SUFU: variants seen among roughly 807,000 people sequenced by gnomAD.
SUFU encodes SUFU negative regulator of hedgehog signaling.
Under a neutral mutation model 58.9 loss-of-function variants are expected in SUFU, and 7 were observed. That is an observed-to-expected ratio of 0.12 (90% CI 0.07 to 0.22). The LOEUF is 0.22. Ranked by LOEUF, SUFU falls within the 10% of genes least tolerant of loss-of-function variation. The probability of loss-of-function intolerance (pLI) is 1.00; values close to 1 mark genes in which losing one functional copy is unlikely to be tolerated. For synonymous variants in SUFU, 232 were observed against 254.8 expected (o/e 0.91, Z 0.85); for missense variants, 451 against 641.3 (o/e 0.70, Z 3.20).
chr10:102,546,889 G>A (rs1245804895), intron 2 of SUFU, among the ~76,000 whole-genome samples: 1 of 152,268 alleles, frequency 6.6e-6, no homozygotes, highest in Non-Finnish European at 1.5e-5. Context: ...AACTGGCCCA[G>A]AAAGCACCCT....
intron 10 of SUFU, among the ~76,000 whole-genome samples, chr10:102,623,850 G>A (rs543835669): frequency 6.6e-6 from 1 of 152,320 alleles, no homozygotes; most frequent in East Asian, 1.9e-4. Context: ...TGAGGCAGGA[G>A]AATCGCTTGA....
intron 3 of SUFU, among the ~76,000 whole-genome samples, chr10:102,575,313 C>A (rs1392273198): frequency 6.6e-6 from 1 of 152,150 alleles, no homozygotes; most frequent in Non-Finnish European, 1.5e-5. Context: ...TTTTCTGCTG[C>A]TTATAACAGA....
intron 3 of SUFU, among the ~76,000 whole-genome samples, chr10:102,563,937 G>C (rs1040824117): frequency 2.6e-5 from 4 of 152,142 alleles, no homozygotes; most frequent in Admixed American, 2.0e-4. Context: ...TCCAGTCCCT[G>C]GGGTCTTGAA....
At chr10:102,503,831 A>T (rs894184622), upstream of SUFU, among the ~76,000 whole-genome samples, 1 of 152,134 alleles carries the variant, frequency 6.6e-6, no homozygotes, top group Non-Finnish European at 1.5e-5. Flanking sequence ...CTCCCAACAC[A>T]GGGAGGGGAG....
chr10:102,512,101 G>A (rs1407408476), intron 2 of SUFU, among the ~76,000 whole-genome samples: 1 of 152,186 alleles, frequency 6.6e-6, no homozygotes, highest in Non-Finnish European at 1.5e-5. Context: ...TAAGCTCAGA[G>A]GCCCAGGTTT....
intron 8 of SUFU, among the ~76,000 whole-genome samples, chr10:102,600,639 G>A (rs1292940102): frequency 2.6e-5 from 4 of 152,166 alleles, no homozygotes; most frequent in Admixed American, 6.5e-5. Flanking sequence ...TCTTGGAGGA[G>A]GAAGAACATA....
intron 7 of SUFU, among the ~76,000 whole-genome samples, chr10:102,598,978 G>T (rs2063490497): frequency 6.6e-6 from 1 of 152,124 alleles, no homozygotes; most frequent in Non-Finnish European, 1.5e-5. Flanking sequence ...GGGAAGGAGT[G>T]GCGGGACCAG....
chr10:102,597,001 A>G, intron 6 of SUFU, 139 bp from the exon 7 acceptor site: 2 of 1,009,764 alleles, frequency 2.0e-6, no homozygotes, highest in South Asian at 2.8e-5. Flanking sequence ...AAGGTCAGAG[A>G]TCCTGCTCTC....
intron 2 of SUFU, among the ~76,000 whole-genome samples, chr10:102,516,983 T>TGTG (rs948628949): frequency 8.6e-5 from 13 of 150,546 alleles, no homozygotes; most frequent in African/African-American, 2.9e-4. Flanking sequence ...ATTAGCCGGG[T>TGTG]GTGGTGGTGG....
At chr10:102,609,716 G>A (rs1172704636) in intron 8 of SUFU, among the ~76,000 whole-genome samples, 1 of 152,196 alleles carries the variant, frequency 6.6e-6, no homozygotes, top group African/African-American at 2.4e-5. Flanking sequence ...TATTATTTCA[G>A]CTCTCCTGGC....
Position 102,542,430 on chromosome 10 carries a change from C to CTA in SUFU, c.318-7526_318-7525dup, listed in dbSNP as rs201306136. Among the ~76,000 whole-genome samples, 250 of 137,378 alleles carry CTA rather than the reference C, an allele frequency of 1.8e-3. 1 individual carries two copies. Among genetic ancestry groups the CTA allele is most frequent in the African/African-American group, 5.0e-3 (175 of 34,906 alleles). The allele number at this position is 137,378 out of a possible 152,430, so 90.1% of individuals were successfully genotyped here. A position where few individuals can be genotyped will look rare whatever the true frequency, so the allele number is the denominator to read the frequency against. On this transcript the variant is annotated intron_variant, in intron 2 of 11. Coordinates refer to ENST00000369902, the MANE Select transcript of SUFU (RefSeq NM_016169.4). ...ACAGATGTGAGCCACTGCGCCCGGC[C>CTA]TATATATATATATATTTTTTTTTAA...
intron 2 of SUFU, among the ~76,000 whole-genome samples, chr10:102,529,911 C>T (rs1225107629): frequency 6.6e-6 from 1 of 151,112 alleles, no homozygotes; most frequent in Non-Finnish European, 1.5e-5. Flanking sequence ...CGCCACTGCA[C>T]TCCAGCCTAG....
intron 3 of SUFU, among the ~76,000 whole-genome samples, chr10:102,570,539 TTTTG>T (rs35078567): frequency 1.3e-5 from 2 of 151,022 alleles, no homozygotes; most frequent in African/African-American, 4.9e-5. Flanking sequence ...TTTTTTAGTT[TTTTG>T]TTTGTTTGTT....
At chr10:102,523,792 T>C (rs2062577180) in intron 2 of SUFU, among the ~76,000 whole-genome samples, 1 of 152,202 alleles carries the variant, frequency 6.6e-6, no homozygotes, top group Admixed American at 6.5e-5. Flanking sequence ...TGGACACTCA[T>C]CTCATGAATC....
chr10:102,582,514 T>C (rs1034765651), intron 3 of SUFU, among the ~76,000 whole-genome samples: 1 of 152,108 alleles, frequency 6.6e-6, no homozygotes, highest in African/African-American at 2.4e-5. Context: ...GGTGGGGTGA[T>C]GGCCAATTGG....
At position 102,504,035 on chromosome 10, in the gene SUFU, C is replaced by T. The variant is rs572377233; in HGVS notation, c.-118C>T. The T allele has an allele frequency of 8.0e-5, 109 of 1,358,018 alleles. 1 individual carries two copies. The South Asian group carries it at 1.5e-3, about 19-fold the overall frequency. 84.1% of individuals were successfully genotyped at this position (1,358,018 alleles called of 1,614,324 possible). ...CGTGCGCAGGCGCGGAGCTAGACCT[C>T]GCTGCAGCCCCCATCGCCTCGGGGA... On this transcript the variant is annotated 5_prime_UTR_variant, in exon 1 of 12. Transcript: ENST00000369902.
chr10:102,574,161 T>C (rs1231309614), intron 3 of SUFU, among the ~76,000 whole-genome samples: 7 of 152,158 alleles, frequency 4.6e-5, no homozygotes, highest in Non-Finnish European at 1.0e-4. Flanking sequence ...TTGGGGACCA[T>C]GGGGGCACCT....
intron 2 of SUFU, among the ~76,000 whole-genome samples, chr10:102,548,599 A>G (rs2062877862): frequency 6.6e-6 from 1 of 152,226 alleles, no homozygotes; most frequent in African/African-American, 2.4e-5. Context: ...TGTTTGTACA[A>G]GATATAATTA....
chr10:102,590,343 T>G (rs1396452972), intron 3 of SUFU, among the ~76,000 whole-genome samples: 1 of 151,892 alleles, frequency 6.6e-6, no homozygotes, highest in African/African-American at 2.4e-5. Flanking sequence ...TTTTTTGTAT[T>G]TTTAGTAGAG....
Sources: gnomAD v4.1 joint callset for allele counts (sites outside exome capture counted in the v4.1 genomes callset) on GRCh38, gnomAD v4.1.1 for gene constraint, MANE v1.5 for transcripts, NCBI Gene and HGNC (gene_info 2026-07-23, HGNC 2026-07-21) for gene names.